The following SNAP91 variants were observed in gnomAD, a reference collection of about 807,000 sequenced individuals.
The protein encoded by SNAP91 is synaptosome associated protein 91.
In SNAP91, 27 loss-of-function variants were observed where a neutral mutation model predicts 100.3. The ratio of observed to expected loss-of-function variants is 0.27; its 90% CI spans 0.20 to 0.37. SNAP91 has a LOEUF of 0.37. Among genes scored for constraint, SNAP91 ranks in the 10% least tolerant of loss-of-function variants. SNAP91 has a pLI of 1.00. For synonymous variants in SNAP91, 404 were observed against 398.6 expected (o/e 1.01, Z -0.16); for missense variants, 986 against 1,123.7 (o/e 0.88, Z 1.75).
At chr6:83,596,336 C>T (rs2094466849) in intron 16 of SNAP91, among the ~76,000 whole-genome samples, 1 of 152,270 alleles carries the variant, frequency 6.6e-6, no homozygotes, top group Middle Eastern at 3.4e-3. Context: ...GTTAAAGATA[C>T]TATACTTCAG....
Position 83,651,422 on chromosome 6 carries a change from A to T in SNAP91, c.658+5332T>A, listed in dbSNP as rs2098198176. Reference sequence around the variant, plus strand: ...ATAAGCACTGCTTTCAATGCATCCTATACATTTTGATAAGGTGTATTTTCA... The same window carrying T: ...ATAAGCACTGCTTTCAATGCATCCTTTACATTTTGATAAGGTGTATTTTCA... On this transcript the variant is annotated intron_variant, in intron 7 of 29. Transcript: ENST00000369694. Among the ~76,000 whole-genome samples, 4 of 152,122 alleles carry T rather than the reference A, an allele frequency of 2.6e-5. No homozygotes were observed. In the South Asian group the frequency reaches 8.3e-4, roughly 32 times the overall value.
At chr6:83,651,858 C>T (rs1309007054) in intron 7 of SNAP91, among the ~76,000 whole-genome samples, 1 of 152,082 alleles carries the variant, frequency 6.6e-6, no homozygotes, top group Non-Finnish European at 1.5e-5. Context: ...CCAAATCTAC[C>T]AGTAGACTCA....
chr6:83,663,521 A>G (rs1295318324), intron 3 of SNAP91, among the ~76,000 whole-genome samples: 1 of 152,206 alleles, frequency 6.6e-6, no homozygotes, highest in Non-Finnish European at 1.5e-5. Flanking sequence ...CAAACCAGCT[A>G]CAACATTCCC....
At chr6:83,707,321 G>T (rs879896925) in intron 2 of SNAP91, among the ~76,000 whole-genome samples, 5 of 151,510 alleles carry the variant, frequency 3.3e-5, no homozygotes, top group Admixed American at 2.0e-4. Context: ...CACTTAAAAA[G>T]ATTATACTAC....
chr6:83,675,795 GTA>G (rs1303096170), intron 2 of SNAP91, among the ~76,000 whole-genome samples: 1 of 146,560 alleles, frequency 6.8e-6, no homozygotes, highest in African/African-American at 2.6e-5. Context: ...TGCAAGCAAA[GTA>G]TATAGCACAG....
At chr6:83,691,923 T>C (rs2099135787) in intron 2 of SNAP91, among the ~76,000 whole-genome samples, 1 of 152,188 alleles carries the variant, frequency 6.6e-6, no homozygotes, top group African/African-American at 2.4e-5. Flanking sequence ...TAGGAGATGA[T>C]TTTAATAAAG....
At chr6:83,575,312 A>C (rs928980420) in intron 25 of SNAP91, 191 bp from the exon 26 acceptor site, 10 of 571,816 alleles carry the variant, frequency 1.7e-5, no homozygotes, top group Non-Finnish European at 3.1e-5. Context: ...GCTTAAAAGC[A>C]TTTGAAAAAA....
chr6:83,593,524 G>A lies in SNAP91; in HGVS notation c.1650C>T (p.Ser550=), dbSNP rs114784590. 22 of 1,552,738 alleles carry A rather than the reference G, an allele frequency of 1.4e-5. No homozygotes were observed. The African/African-American group carries it at 1.5e-4, about 11-fold the overall frequency. ...TAAATTTTTT[S]AATATTAPPA... ...GAGGAGCAGTGGTGGCGGTGGCAGCGGAGGTGGTGGTAGTGGTGGTGGCAG... is the reference window on the plus strand; with the variant it reads ...GAGGAGCAGTGGTGGCGGTGGCAGCAGAGGTGGTGGTAGTGGTGGTGGCAG... Residue 550 remains serine (S), a synonymous_variant, in exon 18 of 30, where the codon TCC becomes TCT. Transcript: ENST00000369694.
In SNAP91 at chr6:83,553,054, GTACCA is replaced by G. The variant is rs1284156942; in HGVS notation, c.*1237_*1241del. On this transcript the variant is annotated 3_prime_UTR_variant, in exon 30 of 30. Coordinates refer to ENST00000369694, the MANE Select transcript of SNAP91 (RefSeq NM_001242792.2). ...ATTCAGATACAACCACTTTTAAATGGTACCATACATCTATTAAATAATTTGAAAAA... is the reference window on the plus strand; with the variant it reads ...ATTCAGATACAACCACTTTTAAATGGTACATCTATTAAATAATTTGAAAAA... 1 of 152,406 alleles carries G rather than the reference GTACCA, an allele frequency of 6.6e-6. No individual in the cohort carries two copies. Among genetic ancestry groups the G allele is most frequent in the Non-Finnish European group, 1.5e-5 (1 of 68,006 alleles). 9.4% of individuals were successfully genotyped at this position (152,406 alleles called of 1,614,324 possible).
At chr6:83,592,592 C>A in intron 20 of SNAP91, 54 bp from the exon 21 acceptor site, 1 of 1,418,034 alleles carries the variant, frequency 7.1e-7, no homozygotes, top group Non-Finnish European at 9.8e-7. Flanking sequence ...GAAAAGAAAA[C>A]CATGAGCCTT....
At chr6:83,616,921 C>G (rs182826109) in intron 10 of SNAP91, 48 bp downstream of exon 10, 3 of 1,164,394 alleles carry the variant, frequency 2.6e-6, no homozygotes, top group South Asian at 2.8e-5. Flanking sequence ...CTTAGAAGAA[C>G]GACTGTAGTA....
intron 18 of SNAP91, 107 bp from the exon 19 acceptor site, chr6:83,593,366 C>A: frequency 6.6e-7 from 1 of 1,507,428 alleles, no homozygotes. Flanking sequence ...AATTAAGCAG[C>A]AAATGGTTTC....
intron 14 of SNAP91, among the ~76,000 whole-genome samples, chr6:83,605,277 C>T (rs2095539775): frequency 6.6e-6 from 1 of 152,164 alleles, no homozygotes; most frequent in South Asian, 2.1e-4. Context: ...AGGAACGAGG[C>T]TACACCTGAC....
intron 28 of SNAP91, among the ~76,000 whole-genome samples, chr6:83,557,993 A>G (rs1045325492): frequency 6.6e-6 from 1 of 152,018 alleles, no homozygotes; most frequent in Admixed American, 6.6e-5. Flanking sequence ...AATATGGTGT[A>G]TCATTACCTG....
chr6:83,607,503 G>A (rs2095706073), intron 13 of SNAP91, among the ~76,000 whole-genome samples, 196 bp downstream of exon 13: 2 of 152,122 alleles, frequency 1.3e-5, no homozygotes, highest in Non-Finnish European at 2.9e-5. Flanking sequence ...GTGACAACAA[G>A]GTGATTTCTA....
intron 11 of SNAP91, among the ~76,000 whole-genome samples, chr6:83,613,687 C>G (rs1210740456): frequency 6.6e-6 from 1 of 152,212 alleles, no homozygotes; most frequent in East Asian, 1.9e-4. Flanking sequence ...ACATTCCAAC[C>G]CCCAAAACAC....
At chr6:83,673,666 G>A (rs1022502106) in intron 2 of SNAP91, among the ~76,000 whole-genome samples, 4 of 152,118 alleles carry the variant, frequency 2.6e-5, no homozygotes, top group Admixed American at 1.3e-4. Context: ...TGATTCAGAC[G>A]TTTTTCTTCT....
chr6:83,576,101 TATATG>T, intron 24 of SNAP91, 48 bp from the exon 25 acceptor site: 1 of 964,614 alleles, frequency 1.0e-6, no homozygotes, highest in African/African-American at 1.7e-5. Flanking sequence ...ACACTCAGTT[TATATG>T]ATATGACATT....
At chr6:83,567,995 C>G (rs7754172) in intron 26 of SNAP91, among the ~76,000 whole-genome samples, 115,995 of 150,530 alleles carry the variant, frequency 0.77, 45,115 homozygotes, top group East Asian at 0.88. Context: ...CCATTACTGG[C>G]TATATACCCA....
Sources: allele counts gnomAD v4.1 joint callset (sites outside exome capture counted in the v4.1 genomes callset), GRCh38; gene constraint gnomAD v4.1.1; transcripts MANE v1.5; gene names NCBI Gene and HGNC (gene_info 2026-07-23, HGNC 2026-07-21).